ROR2: variants seen among roughly 807,000 people sequenced by gnomAD.
The protein encoded by ROR2 is tyrosine-protein kinase transmembrane receptor ROR2.
In ROR2, 33 loss-of-function variants were observed where a neutral mutation model predicts 74.9. The observed-to-expected ratio is 0.44, with a 90% confidence interval of 0.33 to 0.59. The LOEUF (loss-of-function observed/expected upper bound fraction) is 0.59, where lower values mean the gene tolerates loss of function less well. Ranked by LOEUF, ROR2 falls within the 20% of genes least tolerant of loss-of-function variation. The pLI, the probability that ROR2 is intolerant of heterozygous loss-of-function variation, is 0.02. For missense variants in ROR2, 1,216 were observed against 1,313.8 expected, an observed-to-expected ratio of 0.93 and a Z score of 1.15; for synonymous variants, 586 against 558.7, an observed-to-expected ratio of 1.05 and a Z score of -0.69.
At chr9:91,911,933 CAAAAAA>C (rs747087662) in intron 1 of ROR2, among the ~76,000 whole-genome samples, 1 of 76,394 alleles carries the variant, frequency 1.3e-5, no homozygotes, top group African/African-American at 4.8e-5. Context: ...TGAGTCTAAG[CAAAAAA>C]AAAAAAAAAA....
chr9:91,789,014 AT>A (rs1826888448), intron 1 of ROR2, among the ~76,000 whole-genome samples: 1 of 152,172 alleles, frequency 6.6e-6, no homozygotes, highest in South Asian at 2.1e-4. Flanking sequence ...AGGTCGGTCA[AT>A]GGGTTCAAAG....
chr9:91,787,567 C>CA (rs1826841521), intron 1 of ROR2, among the ~76,000 whole-genome samples: 1 of 152,042 alleles, frequency 6.6e-6, no homozygotes, highest in Admixed American at 6.5e-5. Context: ...GCAGATAACT[C>CA]AGTGGTCACA....
chr9:91,741,301 G>GTAATAATAATAATAA (rs747307979), intron 4 of ROR2, among the ~76,000 whole-genome samples: 18 of 100,614 alleles, frequency 1.8e-4, no homozygotes, highest in East Asian at 7.8e-4. Context: ...TCTGTCTCAA[G>GTAATAATAATAATAA]TAGTAATAAT....
intron 1 of ROR2, among the ~76,000 whole-genome samples, chr9:91,853,751 T>C (rs752921788): frequency 5.3e-5 from 8 of 152,106 alleles, no homozygotes; most frequent in Non-Finnish European, 1.5e-5. Context: ...CAGTAGCGCA[T>C]GAAGAGCCGA....
intron 1 of ROR2, among the ~76,000 whole-genome samples, chr9:91,900,259 A>G (rs932693952): frequency 6.6e-5 from 10 of 152,328 alleles, no homozygotes; most frequent in Admixed American, 1.3e-4. Flanking sequence ...CAGAGGCCCA[A>G]GCGCAGAAGC....
rs775823582 is a variant in ROR2, at chr9:91,927,562, C to CTTTTTTTTTTTTTTTTTTT, written c.97+22286_97+22304dup. On this transcript the variant is annotated intron_variant, in intron 1 of 8. Coordinates refer to ENST00000375708, the MANE Select transcript of ROR2 (RefSeq NM_004560.4). ...TGGCTGGCTCTGTGTTTTCTAGATT[C>CTTTTTTTTTTTTTTTTTTT]TTTTTTTTTTTTTTTTTTTTTGAGA... Among the ~76,000 whole-genome samples, 40 of 94,944 alleles carry CTTTTTTTTTTTTTTTTTTT rather than the reference C, an allele frequency of 4.2e-4. 3 individuals carry two copies. Among genetic ancestry groups the CTTTTTTTTTTTTTTTTTTT allele is most frequent in the Admixed American group, 8.4e-4 (6 of 7,116 alleles). The allele number at this position is 94,944 out of a possible 152,430, so 62.3% of individuals were successfully genotyped here.
chr9:91,799,298 T>A (rs940200122), intron 1 of ROR2, among the ~76,000 whole-genome samples: 1 of 151,944 alleles, frequency 6.6e-6, no homozygotes, highest in African/African-American at 2.4e-5. Context: ...CTCTCATGAG[T>A]GGAATCCAGG....
intron 4 of ROR2, among the ~76,000 whole-genome samples, chr9:91,740,376 A>G (rs182647878): frequency 1.7e-3 from 258 of 152,100 alleles, no homozygotes; most frequent in Middle Eastern, 6.8e-3. Context: ...GTGAAACCCC[A>G]TCTCTACTAA....
At chr9:91,757,164 C>T in intron 3 of ROR2, 108 bp downstream of exon 3, 3 of 1,430,938 alleles carry the variant, frequency 2.1e-6, no homozygotes, top group Non-Finnish European at 2.9e-6. Context: ...TTGCTCTCCC[C>T]TCGTGCTGAC....
At chr9:91,808,012 T>C (rs1827623369) in intron 1 of ROR2, among the ~76,000 whole-genome samples, 1 of 152,152 alleles carries the variant, frequency 6.6e-6, no homozygotes, top group Admixed American at 6.5e-5. Context: ...TTTGTTACTA[T>C]AATTATGTTG....
chr9:91,747,556 C>A (rs1369440591), intron 4 of ROR2, among the ~76,000 whole-genome samples: 2 of 152,232 alleles, frequency 1.3e-5, no homozygotes, highest in African/African-American at 2.4e-5. Flanking sequence ...ACAGGACACA[C>A]CTCTTGACCA....
intron 1 of ROR2, among the ~76,000 whole-genome samples, chr9:91,863,634 A>G (rs1423726338): frequency 1.3e-5 from 2 of 152,246 alleles, no homozygotes; most frequent in Non-Finnish European, 2.9e-5. Context: ...CCTTATGCTC[A>G]GTGAAAGAAG....
chr9:91,854,981 A>C (rs932909972), intron 1 of ROR2, among the ~76,000 whole-genome samples: 5 of 152,240 alleles, frequency 3.3e-5, no homozygotes, highest in African/African-American at 1.2e-4. Context: ...AAGGCAAATG[A>C]AAAGACACAT....
At chr9:91,775,923 A>C (rs1012218083) in intron 1 of ROR2, 105 bp from the exon 2 acceptor site, 3 of 896,568 alleles carry the variant, frequency 3.3e-6, no homozygotes, top group Non-Finnish European at 5.4e-6. Flanking sequence ...ACTACCCAGT[A>C]TTTGTAGAAA....
intron 1 of ROR2, among the ~76,000 whole-genome samples, chr9:91,882,995 T>C (rs1004913557): frequency 1.3e-5 from 2 of 152,212 alleles, no homozygotes; most frequent in Non-Finnish European, 2.9e-5. Context: ...TGAATATTTC[T>C]AATCTGAAAC....
chr9:91,916,495 ACTCCCTCTTCCCCAC>A (rs1831139624), intron 1 of ROR2, among the ~76,000 whole-genome samples: 1 of 151,968 alleles, frequency 6.6e-6, no homozygotes, highest in African/African-American at 2.4e-5. Flanking sequence ...TACCCACAGA[ACTCCCTCTTCCCCAC>A]CTGGCAACTT....
intron 4 of ROR2, among the ~76,000 whole-genome samples, chr9:91,745,619 T>C (rs562279859): frequency 1.3e-5 from 2 of 151,856 alleles, no homozygotes; most frequent in South Asian, 4.2e-4. Context: ...AGGGATGGGG[T>C]TTCACCATGT....
At chr9:91,914,923 G>A (rs1831090951) in intron 1 of ROR2, among the ~76,000 whole-genome samples, 1 of 152,036 alleles carries the variant, frequency 6.6e-6, no homozygotes, top group African/African-American at 2.4e-5. Flanking sequence ...CACCATTGAA[G>A]AGTACATTTA....
intron 4 of ROR2, among the ~76,000 whole-genome samples, chr9:91,754,736 C>T (rs1047985086): frequency 6.6e-6 from 1 of 152,152 alleles, no homozygotes; most frequent in Non-Finnish European, 1.5e-5. Flanking sequence ...GACTTATATG[C>T]CTTTTTCCAA....
Sources: allele counts gnomAD v4.1 joint callset (sites outside exome capture counted in the v4.1 genomes callset), GRCh38; gene constraint gnomAD v4.1.1; transcripts MANE v1.5; gene names NCBI Gene and HGNC (gene_info 2026-07-23, HGNC 2026-07-21).